The following ASTN1 variants were observed in gnomAD, a reference collection of about 807,000 sequenced individuals.
The protein encoded by ASTN1 is astrotactin 1, also known as astrotactin-1.
A neutral mutation model predicts 140.7 loss-of-function variants in ASTN1; 41 were observed. The observed-to-expected ratio is 0.29, with a 90% CI of 0.23 to 0.38. The LOEUF (loss-of-function observed/expected upper bound fraction) is 0.38. Among genes scored for constraint, ASTN1 ranks in the 10% least tolerant of loss-of-function variants. The pLI is 1.00. For synonymous variants in ASTN1, 640 were observed against 652.2 expected (o/e 0.98, Z 0.29); for missense variants, 1,479 against 1,678.8 (o/e 0.88, Z 2.08).
intron 1 of ASTN1, among the ~76,000 whole-genome samples, chr1:177,157,393 G>C (rs1009895846): frequency 2.0e-5 from 3 of 152,096 alleles, no homozygotes; most frequent in Admixed American, 6.6e-5. Context: ...TCCGCTCACT[G>C]CAACTCCGCC....
intron 7 of ASTN1, among the ~76,000 whole-genome samples, chr1:177,017,269 C>G (rs1279612862): frequency 6.6e-6 from 1 of 152,164 alleles, no homozygotes; most frequent in Non-Finnish European, 1.5e-5. Context: ...GCAGATGCAG[C>G]CCAAAGTCCA....
At chr1:177,076,170 T>A (rs1678894516) in intron 1 of ASTN1, among the ~76,000 whole-genome samples, 1 of 149,484 alleles carries the variant, frequency 6.7e-6, no homozygotes, top group Non-Finnish European at 1.5e-5. Flanking sequence ...TCCCAGCTAC[T>A]CGGGAGGCTG....
At chr1:177,024,123 A>T (rs1297693189) in intron 6 of ASTN1, among the ~76,000 whole-genome samples, 1 of 152,226 alleles carries the variant, frequency 6.6e-6, no homozygotes, top group African/African-American at 2.4e-5. Flanking sequence ...GTCCCCCTGG[A>T]TGAAAGTAAA....
At position 176,921,559 on chromosome 1, in the gene ASTN1, C is replaced by T. The variant is rs142599542; in HGVS notation, c.2671+12593G>A. Among the ~76,000 whole-genome samples the T allele has an allele frequency of 4.3e-3, 649 of 152,306 alleles. 3 individuals carry two copies. Among genetic ancestry groups the T allele is most frequent in the South Asian group, 0.015 (74 of 4,820 alleles). On this transcript the variant is annotated intron_variant, in intron 16 of 22. Transcript: ENST00000361833. ...GTAAAAGAAAGACTATTGTTGACTC[C>T]TACAACATTAACTGGTAGCTGGAAA...
At chr1:177,060,175 T>C (rs1276551304) in intron 2 of ASTN1, among the ~76,000 whole-genome samples, 1 of 152,200 alleles carries the variant, frequency 6.6e-6, no homozygotes, top group Non-Finnish European at 1.5e-5. Context: ...TACTTTCCAG[T>C]GAGATTCTAG....
intron 17 of ASTN1, among the ~76,000 whole-genome samples, chr1:176,893,395 A>T (rs1669352241): frequency 6.6e-6 from 1 of 152,124 alleles, no homozygotes; most frequent in Non-Finnish European, 1.5e-5. Flanking sequence ...CATCCTTCCG[A>T]AGGTCTCTTT....
chr1:177,054,312 T>C (rs769469855), intron 2 of ASTN1, among the ~76,000 whole-genome samples: 13 of 152,160 alleles, frequency 8.5e-5, no homozygotes, highest in South Asian at 2.1e-4. Context: ...GTCTAGCACA[T>C]AGTAAGTGCA....
intron 2 of ASTN1, among the ~76,000 whole-genome samples, chr1:177,057,617 T>C (rs1259630619): frequency 6.6e-6 from 1 of 152,186 alleles, no homozygotes; most frequent in Non-Finnish European, 1.5e-5. Flanking sequence ...ACAGAAGAGG[T>C]TGGATGTATT....
At chr1:177,023,912 C>G (rs906824804) in intron 6 of ASTN1, among the ~76,000 whole-genome samples, 2 of 152,186 alleles carry the variant, frequency 1.3e-5, no homozygotes, top group Non-Finnish European at 2.9e-5. Flanking sequence ...CAGGCACTGG[C>G]ACTCCTCCAA....
At chr1:177,082,427 G>A (rs924499897) in intron 1 of ASTN1, among the ~76,000 whole-genome samples, 3 of 152,122 alleles carry the variant, frequency 2.0e-5, no homozygotes, top group Non-Finnish European at 4.4e-5. Flanking sequence ...TCACTCCCAT[G>A]GCTCTCTTTT....
chr1:177,087,114 T>A (rs1438621805), intron 1 of ASTN1, among the ~76,000 whole-genome samples: 1 of 152,092 alleles, frequency 6.6e-6, no homozygotes, highest in African/African-American at 2.4e-5. Flanking sequence ...GGGCACTGAG[T>A]CCTAACATGC....
chr1:176,898,381 G>A (rs1322654145), intron 16 of ASTN1, among the ~76,000 whole-genome samples: 4 of 152,232 alleles, frequency 2.6e-5, no homozygotes, highest in African/African-American at 4.8e-5. Context: ...GCACAGGAGT[G>A]ATGAGCAGCA....
At chr1:177,156,452 C>T (rs1209655615) in intron 1 of ASTN1, among the ~76,000 whole-genome samples, 1 of 151,982 alleles carries the variant, frequency 6.6e-6, no homozygotes, top group African/African-American at 2.4e-5. Flanking sequence ...TCACAGGAGC[C>T]AACTGAAAGA....
intron 16 of ASTN1, among the ~76,000 whole-genome samples, 189 bp from the exon 17 acceptor site, chr1:176,895,019 A>G (rs908179184): frequency 2.0e-5 from 3 of 152,184 alleles, no homozygotes; most frequent in Non-Finnish European, 4.4e-5. Context: ...AGAGTTGGAA[A>G]TGGCCCTTTT....
At chr1:177,102,254 C>A (rs1199632069) in intron 1 of ASTN1, among the ~76,000 whole-genome samples, 4 of 152,176 alleles carry the variant, frequency 2.6e-5, no homozygotes, top group Admixed American at 2.6e-4. Context: ...TAAGTCAATA[C>A]AGGGTTAAAC....
rs139337730 is a variant in ASTN1, at chr1:177,060,677, T to C, written c.471+401A>G. 6.6e-5 allele frequency among the ~76,000 whole-genome samples: 10 copies of C among 152,226 alleles called. No individual in the cohort carries two copies. The East Asian group carries it at 1.9e-3, about 29-fold the overall frequency. ...AGGTGTGCCCAGCTAAGTTTTGTAT[T>C]TTTAGTAGAGATGGGGTTTCACCAT... On this transcript the variant is annotated intron_variant, in intron 2 of 22. Transcript: ENST00000361833.
chr1:177,138,701 A>G (rs1682314930), intron 1 of ASTN1, among the ~76,000 whole-genome samples: 1 of 152,202 alleles, frequency 6.6e-6, no homozygotes, highest in Non-Finnish European at 1.5e-5. Context: ...GAGCTTCCTT[A>G]GAAAGCTTTC....
chr1:176,878,966 C>T (rs16850292), intron 20 of ASTN1, among the ~76,000 whole-genome samples: 8,567 of 152,244 alleles, frequency 0.056, 819 homozygotes, highest in African/African-American at 0.2. Flanking sequence ...GTAGGAAGTC[C>T]GTCCTCTGCC....
intron 16 of ASTN1, among the ~76,000 whole-genome samples, chr1:176,918,383 C>G (rs6659737): frequency 0.59 from 89,755 of 152,004 alleles, 28,687 homozygotes; most frequent in African/African-American, 0.85. Flanking sequence ...TGGCCTCCTT[C>G]ACTTTTCCCC....
Sources: allele counts gnomAD v4.1 joint callset (sites outside exome capture counted in the v4.1 genomes callset), GRCh38; gene constraint gnomAD v4.1.1; transcripts MANE v1.5; gene names NCBI Gene and HGNC (gene_info 2026-07-23, HGNC 2026-07-21).